The following USP24 variants were observed in gnomAD, a reference collection of about 807,000 sequenced individuals.
The protein encoded by USP24 is ubiquitin specific peptidase 24, also known as ubiquitin carboxyl-terminal hydrolase 24.
USP24 carries 97 observed loss-of-function variants against 361.6 expected under a neutral mutation model. The ratio of observed to expected loss-of-function variants is 0.27; its 90% CI spans 0.23 to 0.32. The LOEUF is 0.32. USP24 is among the 10% of genes least tolerant of loss of function. The pLI, the probability that USP24 is intolerant of heterozygous loss-of-function variation, is 1.00. For missense variants in USP24, 2,353 were observed against 3,165.6 expected, an observed-to-expected ratio of 0.74 and a Z score of 6.16; for synonymous variants, 1,098 against 1,124.6, an observed-to-expected ratio of 0.98 and a Z score of 0.47.
intron 1 of USP24, among the ~76,000 whole-genome samples, chr1:55,198,379 G>C (rs1295640267): frequency 6.6e-6 from 1 of 152,164 alleles, no homozygotes; most frequent in African/African-American, 2.4e-5. Flanking sequence ...GAGAATGAAA[G>C]GGAAAGAGAA....
At chr1:55,173,596 A>G (rs1222824086) in intron 3 of USP24, among the ~76,000 whole-genome samples, 1 of 152,246 alleles carries the variant, frequency 6.6e-6, no homozygotes, top group Non-Finnish European at 1.5e-5. Flanking sequence ...ATACTATACA[A>G]CAAAAATTTC....
At chr1:55,207,847 A>AT (rs1248647369) in intron 1 of USP24, among the ~76,000 whole-genome samples, 7 of 152,260 alleles carry the variant, frequency 4.6e-5, no homozygotes, top group African/African-American at 7.2e-5. Context: ...TGCAATACAA[A>AT]TAACTGGCTT....
At chr1:55,081,301 T>C (rs769010903) in intron 59 of USP24, 21 bp downstream of exon 59, 174 of 1,607,838 alleles carry the variant, frequency 1.1e-4, no homozygotes, top group Admixed American at 1.8e-4. Flanking sequence ...ATCTCTTCAT[T>C]CTAAGATATG....
intron 58 of USP24, among the ~76,000 whole-genome samples, chr1:55,082,318 G>C (rs1205615994): frequency 6.6e-6 from 1 of 152,142 alleles, no homozygotes; most frequent in East Asian, 1.9e-4. Flanking sequence ...TAATTTTGAT[G>C]AACTGTGAGT....
intron 2 of USP24, among the ~76,000 whole-genome samples, 171 bp from the exon 3 acceptor site, chr1:55,176,614 C>T (rs895093486): frequency 6.6e-5 from 10 of 151,824 alleles, no homozygotes; most frequent in Non-Finnish European, 1.0e-4. Context: ...TTAGTTCTTA[C>T]GAAATTATTA....
At chr1:55,196,222 T>C (rs375005258) in intron 1 of USP24, among the ~76,000 whole-genome samples, 2 of 152,130 alleles carry the variant, frequency 1.3e-5, no homozygotes, top group African/African-American at 4.8e-5. Context: ...TCAGTCTCCT[T>C]TGCTGGTTCT....
chr1:55,177,881 C>A, intron 2 of USP24, 86 bp downstream of exon 2: 1 of 1,297,586 alleles, frequency 7.7e-7, no homozygotes, highest in Non-Finnish European at 1.1e-6. Context: ...CAATAACACA[C>A]AGCTAGGCAA....
chr1:55,173,922 C>T (rs1365829144), intron 3 of USP24, among the ~76,000 whole-genome samples: 1 of 152,112 alleles, frequency 6.6e-6, no homozygotes, highest in Non-Finnish European at 1.5e-5. Flanking sequence ...AGCAGCAATC[C>T]CTCTGGCACC....
rs1557570132 is a variant in USP24 at position 55,107,851 on chromosome 1, A to AC, written c.4571-422_4571-421insG. Among the ~76,000 whole-genome samples, 501 of 142,944 alleles carry AC rather than the reference A, an allele frequency of 3.5e-3. 5 individuals carry two copies. The highest frequency in any genetic ancestry group is 0.011 in the African/African-American group (428 of 37,480). 93.8% of individuals were successfully genotyped at this position (142,944 alleles called of 152,430 possible). A position where few individuals can be genotyped will look rare whatever the true frequency, so the allele number is the denominator to read the frequency against. ...AGCAAGACTCTGTCTCAAAAAAAAA[A>AC]AAAAAAAAAAAAAAACACACAAAAA... On this transcript the variant is annotated intron_variant, in intron 39 of 67. Coordinates refer to ENST00000294383, the MANE Select transcript of USP24 (RefSeq NM_015306.3).
At chr1:55,165,981 T>A (rs773757977) in intron 6 of USP24, 31 bp from the exon 7 acceptor site, 1 of 1,581,526 alleles carries the variant, frequency 6.3e-7, no homozygotes, top group African/African-American at 1.4e-5. Flanking sequence ...CATTAAGTTA[T>A]TTTTCTCTTT....
At chr1:55,119,515 T>G (rs1404319500) in intron 38 of USP24, among the ~76,000 whole-genome samples, 1 of 152,126 alleles carries the variant, frequency 6.6e-6, no homozygotes, top group Non-Finnish European at 1.5e-5. Context: ...TCACAATGTG[T>G]GCATACTTAA....
At chr1:55,189,798 AAC>A (rs1644237749) in intron 1 of USP24, among the ~76,000 whole-genome samples, 2 of 151,828 alleles carry the variant, frequency 1.3e-5, no homozygotes, top group Admixed American at 6.5e-5. Flanking sequence ...AGAACTGCAA[AAC>A]ACAGAGTTGT....
chr1:55,096,911 A>G (rs1197293258), intron 49 of USP24, 41 bp downstream of exon 49: 27 of 1,586,824 alleles, frequency 1.7e-5, no homozygotes, highest in Non-Finnish European at 2.1e-5. Flanking sequence ...AGAGCAGGGG[A>G]GGGCAGAAAG....
intron 57 of USP24, 127 bp from the exon 58 acceptor site, chr1:55,083,491 A>C: frequency 2.1e-6 from 2 of 938,844 alleles, no homozygotes; most frequent in South Asian, 3.6e-5. Context: ...TCCATATAGA[A>C]AGTACTTGTT....
chr1:55,114,681 G>A (rs1646052301), intron 38 of USP24, among the ~76,000 whole-genome samples: 1 of 152,140 alleles, frequency 6.6e-6, no homozygotes, highest in African/African-American at 2.4e-5. Context: ...TGGGAAAACT[G>A]TCTAGCTATA....
chr1:55,176,531 A>G lies in USP24; in HGVS notation c.491-88T>C, dbSNP rs1383470292. On this transcript the variant is annotated intron_variant, in intron 2 of 67. Transcript: ENST00000294383. ...ATGAATGAAATAATACACGTTATTT[A>G]GGTCTTTGGTAGTTCGTAAAAATCA... The G allele has an allele frequency of 2.4e-6, 3 of 1,245,576 alleles. No homozygotes were observed. The African/African-American group carries it at 4.5e-5, about 19-fold the overall frequency. 77.2% of individuals were successfully genotyped at this position (1,245,576 alleles called of 1,614,324 possible).
intron 1 of USP24, among the ~76,000 whole-genome samples, chr1:55,204,923 CTCTT>C (rs1171778497): frequency 6.6e-6 from 1 of 152,166 alleles, no homozygotes; most frequent in African/African-American, 2.4e-5. Context: ...ATTCTGAGAA[CTCTT>C]TATTTTCTAC....
chr1:55,093,963 C>G lies in USP24; in HGVS notation c.6328G>C (p.Glu2110Gln). 6.2e-7 allele frequency: 1 copy of G among 1,613,742 alleles called. No homozygotes were observed. Residue 2110 changes from glutamate (E) to glutamine (Q), a missense_variant, in exon 52 of 68, where the codon GAG (glutamate) becomes CAG (glutamine). By Grantham distance (29) the Glu-to-Gln change is conservative. Coordinates refer to ENST00000294383, the MANE Select transcript of USP24 (RefSeq NM_015306.3). ...TGGTATATTCGAGCAGGCATTTTCT[C>G]CACAAACAGTCCTTTCTTCTCGCCT... Reference protein sequence around the residue: ...KKGEKKGLFVEKMPARIYQMV... With the variant: ...KKGEKKGLFVQKMPARIYQMV...
intron 42 of USP24, among the ~76,000 whole-genome samples, chr1:55,102,475 CTCATGCCATGACCAGAA>C (rs1645659785): frequency 6.6e-6 from 1 of 152,182 alleles, no homozygotes; most frequent in South Asian, 2.1e-4. Flanking sequence ...GATCTTGGTT[CTCATGCCATGACCAGAA>C]TCATGCTATC....
Sources: allele counts gnomAD v4.1 joint callset (sites outside exome capture counted in the v4.1 genomes callset), GRCh38; gene constraint gnomAD v4.1.1; transcripts MANE v1.5; gene names NCBI Gene and HGNC (gene_info 2026-07-23, HGNC 2026-07-21).